The following SP3 variants were observed in gnomAD, a reference collection of about 807,000 sequenced individuals.
SP3 encodes Sp3 transcription factor, also known as transcription factor Sp3.
Under a neutral mutation model 70.3 loss-of-function variants are expected in SP3, and 10 were observed. The observed-to-expected ratio is 0.14, with a 90% CI of 0.09 to 0.24. The LOEUF is 0.24. Ranked by LOEUF, SP3 falls within the 10% of genes least tolerant of loss-of-function variation. The pLI is 1.00. For synonymous variants in SP3, 402 were observed against 333.5 expected, an observed-to-expected ratio of 1.21 and a Z score of -2.24; for missense variants, 825 against 914.6, an observed-to-expected ratio of 0.90 and a Z score of 1.26.
intron 5 of SP3, 156 bp from the exon 6 acceptor site, chr2:173,913,422 A>G (rs1689543064): frequency 1.0e-5 from 5 of 484,880 alleles, no homozygotes; most frequent in African/African-American, 9.9e-5. Flanking sequence ...AGTTTAAATG[A>G]AAATTTATGT....
Position 173,965,282 on chromosome 2 carries a change from G to T in SP3, c.-111C>A. On this transcript the variant is annotated 5_prime_UTR_variant, in exon 1 of 7. Transcript: ENST00000310015. ...GGAAGCGGCGGCGGACACGGCCGGA[G>T]CGGTCCGGGGATTTTTTTTTCCTAT... 1 of 1,282,148 alleles carries T rather than the reference G, an allele frequency of 7.8e-7. No homozygotes were observed. Among genetic ancestry groups the T allele is most frequent in the Non-Finnish European group, 1.1e-6 (1 of 912,538 alleles). The allele number at this position is 1,282,148 out of a possible 1,614,324, so 79.4% of individuals were successfully genotyped here.
At position 173,903,734 on chromosome 2, in the gene SP3, C is replaced by T. The variant is rs1689234535; in HGVS notation, c.*6207G>A. Among the ~76,000 whole-genome samples the T allele has an allele frequency of 6.6e-6, 1 of 152,124 alleles. No homozygotes were observed. The highest frequency in any genetic ancestry group is 1.5e-5 in the Non-Finnish European group (1 of 68,026). On this transcript the variant is annotated 3_prime_UTR_variant, in exon 7 of 7. Coordinates refer to ENST00000310015, the MANE Select transcript of SP3 (RefSeq NM_003111.5). ...GACCAACCACAGATAAAGATACAGC[C>T]ATCTGTTAAGAGGGCGTCCTGAAAC...
At position 173,963,819 on chromosome 2, in the gene SP3, G is replaced by C. The variant is rs1235503685; in HGVS notation, c.221C>G (p.Pro74Arg). 3.4e-6 allele frequency: 5 copies of C among 1,471,098 alleles called. No individual in the cohort carries two copies. Among genetic ancestry groups the C allele is most frequent in the African/African-American group, 1.5e-5 (1 of 68,494 alleles). 91.1% of individuals were successfully genotyped at this position (1,471,098 alleles called of 1,614,324 possible). A position where few individuals can be genotyped will look rare whatever the true frequency, so the allele number is the denominator to read the frequency against. The change falls in exon 3 of 7, where the codon CCG becomes CGG. Residue 74 changes from proline to arginine, a missense_variant. Transcript: ENST00000310015. ...ATCSKIGPPS[P>R]GDDEEEAAAA... is the part of the protein sequence containing the mutation. ...GGCCGCCTCCTCCTCGTCGTCGCCCGGCGATGGCGGCCCTATCTTGCTGCA... is the reference window on the plus strand; with the variant it reads ...GGCCGCCTCCTCCTCGTCGTCGCCCCGCGATGGCGGCCCTATCTTGCTGCA...
intron 4 of SP3, among the ~76,000 whole-genome samples, chr2:173,953,036 GGTAT>G (rs1410070867): frequency 2.0e-5 from 3 of 152,198 alleles, no homozygotes; most frequent in Non-Finnish European, 4.4e-5. Context: ...TGAGTTTTAC[GGTAT>G]GTGAGTTATA....
chr2:173,934,885 A>G (rs1690169370), intron 4 of SP3, among the ~76,000 whole-genome samples: 1 of 152,190 alleles, frequency 6.6e-6, no homozygotes, highest in South Asian at 2.1e-4. Flanking sequence ...TTTGGCATAT[A>G]AGAGGATCCA....
chr2:173,910,322 C>A, intron 6 of SP3, 65 bp from the exon 7 acceptor site: 1 of 1,395,394 alleles, frequency 7.2e-7, no homozygotes, highest in East Asian at 2.3e-5. Context: ...AATCATCTCC[C>A]CCAAAACAGA....
chr2:173,918,596 C>T lies in SP3; in HGVS notation c.1829G>A (p.Gly610Glu). 6.2e-7 allele frequency: 1 copy of T among 1,613,024 alleles called. No individual in the cohort carries two copies. The highest frequency in any genetic ancestry group is 8.5e-7 in the Non-Finnish European group (1 of 1,179,374). The change falls in exon 5 of 7, where the codon GGA becomes GAA. Residue 610 changes from glycine (G) to glutamate (E), a missense_variant. This residue lies in a region of SP3 where 37 missense variants were observed against 66.2 expected (regional missense o/e 0.56). Coordinates refer to ENST00000310015, the MANE Select transcript of SP3 (RefSeq NM_003111.5). ...TATGTGTTTCATGTATGCATACCTT[C>T]CACCACCTTCTTTACAGTTGGGACA... Reference protein sequence around the residue: ...CTCPNCKEGGGRGTNLGKKKQ... With the variant: ...CTCPNCKEGGERGTNLGKKKQ...
At chr2:173,942,873 C>T (rs998175798) in intron 4 of SP3, among the ~76,000 whole-genome samples, 4 of 151,776 alleles carry the variant, frequency 2.6e-5, no homozygotes, top group African/African-American at 4.8e-5. Context: ...TTTAAAAACA[C>T]AAAAATAAAA....
At chr2:173,941,281 G>A (rs551809131) in intron 4 of SP3, among the ~76,000 whole-genome samples, 30 of 152,022 alleles carry the variant, frequency 2.0e-4, no homozygotes, top group Non-Finnish European at 3.8e-4. Context: ...CCAATATCCC[G>A]TTCTCTCTCA....
rs1304246028 is a variant in SP3, at chr2:173,963,875, C to T, written c.165G>A (p.Gln55=). 1.3e-6 allele frequency: 2 copies of T among 1,509,476 alleles called. No homozygotes were observed. Among genetic ancestry groups the T allele is most frequent in the East Asian group, 2.8e-5 (1 of 35,942 alleles). 93.5% of individuals were successfully genotyped at this position (1,509,476 alleles called of 1,614,324 possible). A position where few individuals can be genotyped will look rare whatever the true frequency, so the allele number is the denominator to read the frequency against. The change falls in exon 3 of 7, where the codon CAG becomes CAA. Residue 55 remains glutamine (Q), a synonymous_variant. Transcript: ENST00000310015. ...CGGCCAGCAGAGCGAGCGGTGACGGCTGAGTGTCCTACCCCCAATGGGCGG... is the reference window on the plus strand; with the variant it reads ...CGGCCAGCAGAGCGAGCGGTGACGGTTGAGTGTCCTACCCCCAATGGGCGG... ...VAAAAAAQDT[Q]PSPLALLAAT...
chr2:173,928,455 C>A (rs1689978907), intron 4 of SP3, among the ~76,000 whole-genome samples: 1 of 151,436 alleles, frequency 6.6e-6, no homozygotes, highest in African/African-American at 2.4e-5. Context: ...GGGAAAACAA[C>A]CAACCAACAA....
chr2:173,965,519 A>C, upstream of SP3: 1 of 274,432 alleles, frequency 3.6e-6, no homozygotes. Context: ...GGGAGAGACA[A>C]TGAGCGGCCG....
intron 5 of SP3, chr2:173,915,647 AAAT>A (rs1689602583): frequency 6.6e-6 from 1 of 152,102 alleles, no homozygotes; most frequent in Non-Finnish European, 1.5e-5. Flanking sequence ...ACATAAACTG[AAAT>A]GCTGACAAAG....
In SP3 at chr2:173,954,856, C is replaced by G; in HGVS notation, c.1639+17G>C. 2 of 1,600,210 alleles carry G rather than the reference C, an allele frequency of 1.2e-6. No homozygotes were observed. Among genetic ancestry groups the G allele is most frequent in the South Asian group, 1.1e-5 (1 of 90,398 alleles). ...ATCACTGAACTTATTTATGGCATGACATAACTTAAGACTCACCTGCAGGAC... is the reference window on the plus strand; with the variant it reads ...ATCACTGAACTTATTTATGGCATGAGATAACTTAAGACTCACCTGCAGGAC... On this transcript the variant is annotated intron_variant, in intron 4 of 6. Transcript: ENST00000310015.
chr2:173,941,916 A>G (rs1475885108), intron 4 of SP3, among the ~76,000 whole-genome samples: 1 of 152,172 alleles, frequency 6.6e-6, no homozygotes, highest in Non-Finnish European at 1.5e-5. Context: ...GACCACAGTA[A>G]GTAGTTTTTA....
At chr2:173,964,243 A>C in intron 2 of SP3, 162 bp downstream of exon 2, 1 of 467,336 alleles carries the variant, frequency 2.1e-6, no homozygotes, top group Non-Finnish European at 3.7e-6. Flanking sequence ...GCGGGGTCGG[A>C]GCGTTGGCGC....
At chr2:173,956,472 A>C (rs1574425343) in intron 3 of SP3, among the ~76,000 whole-genome samples, 2 of 152,312 alleles carry the variant, frequency 1.3e-5, no homozygotes, top group East Asian at 3.9e-4. Flanking sequence ...AATGTTCATC[A>C]CAACCACAGA....
chr2:173,928,788 C>CA (rs1689987280), intron 4 of SP3, among the ~76,000 whole-genome samples: 1 of 152,140 alleles, frequency 6.6e-6, no homozygotes, highest in Admixed American at 6.5e-5. Context: ...GAATAAAAGC[C>CA]AAAGACCTGG....
At chr2:173,927,869 T>C (rs1022903982) in intron 4 of SP3, among the ~76,000 whole-genome samples, 3 of 152,224 alleles carry the variant, frequency 2.0e-5, no homozygotes, top group Non-Finnish European at 4.4e-5. Context: ...TTACCTACTT[T>C]CCTTGGCAGG....
Sources: gnomAD v4.1 joint callset for allele counts (sites outside exome capture counted in the v4.1 genomes callset) on GRCh38, gnomAD v4.1.1 for gene constraint, gnomAD v4.1.1 regional missense constraint, MANE v1.5 for transcripts, NCBI Gene and HGNC (gene_info 2026-07-23, HGNC 2026-07-21) for gene names.